Variants in EEFSEC observed in about 807,000 individuals in gnomAD.
EEFSEC encodes the protein selenocysteine-specific elongation factor.
Under a neutral mutation model 42.1 loss-of-function variants are expected in EEFSEC, and 43 were observed. That is an observed-to-expected ratio of 1.02 (90% CI 0.80 to 1.32). EEFSEC has a LOEUF of 1.32. Ranked by LOEUF, EEFSEC falls within the 40% of genes most tolerant of loss-of-function variation. The pLI is 0.00. For synonymous variants in EEFSEC, 354 were observed against 339.1 expected, an observed-to-expected ratio of 1.04 and a Z score of -0.48; for missense variants, 745 against 803.6, an observed-to-expected ratio of 0.93 and a Z score of 0.88.
chr3:128,155,668 T>G (rs1944367052), intron 1 of EEFSEC, among the ~76,000 whole-genome samples: 1 of 152,184 alleles, frequency 6.6e-6, no homozygotes, highest in Non-Finnish European at 1.5e-5. Context: ...GAATATATAT[T>G]GGGCAGATGA....
At chr3:128,316,746 G>A (rs1187039229) in intron 4 of EEFSEC, among the ~76,000 whole-genome samples, 5 of 152,262 alleles carry the variant, frequency 3.3e-5, no homozygotes, top group East Asian at 1.9e-4. Flanking sequence ...GCTCGGTGCC[G>A]CCAGCACCGT....
chr3:128,273,200 A>G (rs1046133132), intron 4 of EEFSEC, among the ~76,000 whole-genome samples: 6 of 152,102 alleles, frequency 3.9e-5, no homozygotes, highest in Admixed American at 3.3e-4. Context: ...TCCTGCCTGC[A>G]CCCAGGACCC....
At chr3:128,394,065 C>T (rs2067950081) in intron 6 of EEFSEC, among the ~76,000 whole-genome samples, 1 of 152,210 alleles carries the variant, frequency 6.6e-6, no homozygotes, top group African/African-American at 2.4e-5. Context: ...CTCCCCTGGG[C>T]CTTGCAGCCA....
intron 4 of EEFSEC, among the ~76,000 whole-genome samples, chr3:128,329,844 T>A (rs1395410739): frequency 1.3e-5 from 2 of 152,212 alleles, no homozygotes; most frequent in Non-Finnish European, 2.9e-5. Context: ...AAGGACAGGG[T>A]AGCCTTGGAA....
At chr3:128,369,134 T>C (rs1287251285) in intron 6 of EEFSEC, among the ~76,000 whole-genome samples, 1 of 152,212 alleles carries the variant, frequency 6.6e-6, no homozygotes, top group Non-Finnish European at 1.5e-5. Flanking sequence ...GCTAGATGAC[T>C]GGCCCACCAG....
intron 6 of EEFSEC, among the ~76,000 whole-genome samples, chr3:128,373,999 G>C (rs539015530): frequency 3.3e-5 from 5 of 152,168 alleles, no homozygotes; most frequent in African/African-American, 1.2e-4. Flanking sequence ...AGAGTTGAAG[G>C]CCCACCTCCT....
chr3:128,165,865 G>T (rs933132274), intron 1 of EEFSEC, among the ~76,000 whole-genome samples: 2 of 152,166 alleles, frequency 1.3e-5, no homozygotes, highest in African/African-American at 4.8e-5. Flanking sequence ...AGGGTCAGTG[G>T]CTTGTCCTTG....
intron 5 of EEFSEC, among the ~76,000 whole-genome samples, chr3:128,342,554 G>A (rs982085698): frequency 6.6e-6 from 1 of 152,256 alleles, no homozygotes; most frequent in Non-Finnish European, 1.5e-5. Flanking sequence ...GGTGCCTGAA[G>A]TTCACCATCG....
intron 4 of EEFSEC, among the ~76,000 whole-genome samples, chr3:128,282,444 G>A (rs1388103969): frequency 6.6e-6 from 1 of 152,332 alleles, no homozygotes; most frequent in East Asian, 1.9e-4. Flanking sequence ...GCTTGCCAAA[G>A]GTTATTTTGG....
At chr3:128,305,108 T>C (rs1235521342) in intron 4 of EEFSEC, among the ~76,000 whole-genome samples, 1 of 152,214 alleles carries the variant, frequency 6.6e-6, no homozygotes, top group Non-Finnish European at 1.5e-5. Flanking sequence ...GAAATACTCA[T>C]TTATTTTTAT....
intron 4 of EEFSEC, among the ~76,000 whole-genome samples, chr3:128,268,172 A>G (rs1043150978): frequency 1.3e-5 from 2 of 152,212 alleles, no homozygotes; most frequent in African/African-American, 2.4e-5. Flanking sequence ...CTTGGGACCA[A>G]TGAACCTTGT....
At chr3:128,324,907 C>T (rs995252045) in intron 4 of EEFSEC, among the ~76,000 whole-genome samples, 1 of 152,186 alleles carries the variant, frequency 6.6e-6, no homozygotes, top group Non-Finnish European at 1.5e-5. Flanking sequence ...ACAGGGTAAC[C>T]TTCCTGTTGC....
At chr3:128,386,434 C>T (rs1356465375) in intron 6 of EEFSEC, among the ~76,000 whole-genome samples, 1 of 151,946 alleles carries the variant, frequency 6.6e-6, no homozygotes, top group Admixed American at 6.6e-5. Flanking sequence ...TCCAGTTCCC[C>T]AGGGCCCCCA....
intron 1 of EEFSEC, among the ~76,000 whole-genome samples, chr3:128,209,231 C>T (rs999568129): frequency 4.6e-5 from 7 of 152,198 alleles, no homozygotes; most frequent in African/African-American, 9.7e-5. Flanking sequence ...TAATACACTT[C>T]GGTGTATCGT....
intron 4 of EEFSEC, 60 bp downstream of exon 4, chr3:128,264,841 TC>T: frequency 1.3e-6 from 2 of 1,550,960 alleles, no homozygotes; most frequent in East Asian, 2.3e-5. Flanking sequence ...AGGGGGACTG[TC>T]CCTTTGTCTG....
intron 6 of EEFSEC, among the ~76,000 whole-genome samples, chr3:128,361,083 A>G (rs2067520510): frequency 2.0e-5 from 3 of 152,150 alleles, no homozygotes; most frequent in South Asian, 4.1e-4. Context: ...CATGAGAGGT[A>G]AGGCTCCCAG....
At chr3:128,293,674 A>AC (rs869213620) in intron 4 of EEFSEC, among the ~76,000 whole-genome samples, 2 of 149,406 alleles carry the variant, frequency 1.3e-5, no homozygotes, top group Non-Finnish European at 1.5e-5. Context: ...AAAAAAAAAA[A>AC]AAAAAAAAAA....
intron 6 of EEFSEC, among the ~76,000 whole-genome samples, chr3:128,368,384 G>T (rs1317453246): frequency 1.3e-5 from 2 of 151,238 alleles, no homozygotes; most frequent in Non-Finnish European, 2.9e-5. Flanking sequence ...AGTGAGCCAG[G>T]AGATTGCGCC....
chr3:128,232,831 C>T (rs1035284721), intron 1 of EEFSEC, among the ~76,000 whole-genome samples: 2 of 152,184 alleles, frequency 1.3e-5, no homozygotes, highest in African/African-American at 4.8e-5. Flanking sequence ...AGCCCTGTGG[C>T]CCTACAGAGC....
Sources: gnomAD v4.1 joint callset for allele counts (sites outside exome capture counted in the v4.1 genomes callset) on GRCh38, gnomAD v4.1.1 for gene constraint, MANE v1.5 for transcripts, NCBI Gene and HGNC (gene_info 2026-07-23, HGNC 2026-07-21) for gene names.